The following ECPAS variants were observed in gnomAD, a reference collection of about 807,000 sequenced individuals.
ECPAS encodes the protein proteasome adapter and scaffold protein ECM29.
In ECPAS, 70 loss-of-function variants were observed where a neutral mutation model predicts 255.1. The observed-to-expected ratio is 0.27, with a 90% confidence interval of 0.23 to 0.33. The LOEUF (loss-of-function observed/expected upper bound fraction) is 0.33, where lower values mean the gene tolerates loss of function less well. Ranked by LOEUF, ECPAS falls within the 10% of genes least tolerant of loss-of-function variation. ECPAS has a pLI of 1.00. For synonymous variants in ECPAS, 784 were observed against 775.0 expected, an observed-to-expected ratio of 1.01 and a Z score of -0.19; for missense variants, 1,817 against 2,206.4, an observed-to-expected ratio of 0.82 and a Z score of 3.54.
intron 37 of ECPAS, among the ~76,000 whole-genome samples, 173 bp from the exon 38 acceptor site, chr9:111,375,375 CAG>C (rs1461538541): frequency 2.6e-5 from 4 of 152,144 alleles, no homozygotes; most frequent in African/African-American, 7.2e-5. Flanking sequence ...GTACTACAAA[CAG>C]AAAAATTATT....
Position 111,428,087 on chromosome 9 carries a change from G to A in ECPAS, c.1005C>T (p.Leu335=). 1 of 1,613,566 alleles carries A rather than the reference G, an allele frequency of 6.2e-7. No homozygotes were observed. Among genetic ancestry groups the A allele is most frequent in the Non-Finnish European group, 8.5e-7 (1 of 1,179,698 alleles). ...TRVKLKIVPH[L]LRSRQAAETF... is the part of the protein sequence containing the mutation. ...TTTCAGCAGCTTGTCTAGAGCGGAG[G>A]AGATGGGGGACAATCTTTAACTTGA... The change falls in exon 10 of 50, where the codon CTC becomes CTT. Residue 335 remains leucine, a synonymous_variant. Transcript: ENST00000684092.
chr9:111,408,729 G>T, intron 23 of ECPAS, 57 bp from the exon 24 acceptor site: 1 of 1,030,892 alleles, frequency 9.7e-7, no homozygotes, highest in Non-Finnish European at 1.4e-6. Context: ...CTTTACCCCA[G>T]TGCAGTATTT....
chr9:111,397,877 T>C (rs773479199), intron 24 of ECPAS, among the ~76,000 whole-genome samples: 13 of 152,192 alleles, frequency 8.5e-5, no homozygotes, highest in Non-Finnish European at 1.6e-4. Context: ...CACTGTAAGT[T>C]TGAAAGCATT....
At chr9:111,450,067 A>T (rs546707306) in intron 3 of ECPAS, among the ~76,000 whole-genome samples, 1 of 152,278 alleles carries the variant, frequency 6.6e-6, no homozygotes, top group Non-Finnish European at 1.5e-5. Flanking sequence ...ATGTATCACA[A>T]ATTTCAACTA....
Position 111,484,355 on chromosome 9 carries a change from C to T in ECPAS, c.-322G>A. The T allele has an allele frequency of 2.5e-6, 4 of 1,610,638 alleles. No individual in the cohort carries two copies. Among genetic ancestry groups the T allele is most frequent in the Non-Finnish European group, 3.4e-6 (4 of 1,179,036 alleles). ...TGGCTGGGCCCGACCTGGGGAAACA[C>T]GCCTGTCCAAAGGAAGAGACGTGGA... is the stretch of plus-strand genomic sequence containing the variant. On this transcript the variant is annotated 5_prime_UTR_variant, in exon 1 of 50. The change creates a new upstream start codon in the 5' untranslated region. Coordinates refer to ENST00000684092, the MANE Select transcript of ECPAS (RefSeq NM_001364929.1).
intron 31 of ECPAS, among the ~76,000 whole-genome samples, chr9:111,388,763 T>C (rs986428245): frequency 2.6e-5 from 4 of 152,108 alleles, no homozygotes; most frequent in African/African-American, 9.7e-5. Context: ...ATCAACAGAA[T>C]TTGCTACTAG....
Position 111,391,890 on chromosome 9 carries a change from G to A in ECPAS, c.3093-66C>T, listed in dbSNP as rs76517617. 1,330 of 1,015,400 alleles carry A rather than the reference G, an allele frequency of 1.3e-3. 20 individuals are homozygous for A. In the East Asian group the frequency reaches 0.028, roughly 21 times the overall value. 62.9% of individuals were successfully genotyped at this position (1,015,400 alleles called of 1,614,324 possible). On this transcript the variant is annotated intron_variant, in intron 28 of 49. Coordinates refer to ENST00000684092, the MANE Select transcript of ECPAS (RefSeq NM_001364929.1). ...ATACCAACATTCAACTAGCCAATAC[G>A]ATTCATTTACAAAGTGATAAAACTT...
chr9:111,442,278 G>A (rs1475997050), intron 5 of ECPAS, 28 bp downstream of exon 5: 1 of 1,437,958 alleles, frequency 7.0e-7, no homozygotes, highest in East Asian at 2.3e-5. Flanking sequence ...CCTGTAGGAG[G>A]GAAATTAGTT....
chr9:111,439,516 G>C (rs558229598), intron 6 of ECPAS, among the ~76,000 whole-genome samples: 1 of 151,956 alleles, frequency 6.6e-6, no homozygotes, highest in East Asian at 1.9e-4. Context: ...GGATCTGTTC[G>C]GCCCCCCCTT....
intron 18 of ECPAS, 114 bp from the exon 19 acceptor site, chr9:111,414,765 C>T (rs1397351162): frequency 2.2e-6 from 2 of 912,776 alleles, no homozygotes; most frequent in East Asian, 5.4e-5. Flanking sequence ...CTTTATAAAG[C>T]TATTCCAATC....
chr9:111,377,495 C>G (rs1008665408), intron 36 of ECPAS, among the ~76,000 whole-genome samples: 6 of 152,146 alleles, frequency 3.9e-5, no homozygotes, highest in East Asian at 1.9e-4. Context: ...AAAAAGAACA[C>G]TTAAAACCTT....
intron 24 of ECPAS, among the ~76,000 whole-genome samples, chr9:111,400,257 C>CA (rs2098173753): frequency 6.6e-6 from 1 of 152,214 alleles, no homozygotes; most frequent in Non-Finnish European, 1.5e-5. Context: ...ACTCAACACT[C>CA]AGTCATATTT....
In ECPAS at chr9:111,366,324, T is replaced by C. The variant is rs1432223643; in HGVS notation, c.5223A>G (p.Leu1741=). ...LQSMNAFFQG[L]MLLEEEHADP... ...CGGCATGTTCTTCTTCCAAAAGCAT[T>C]AACCTATACAAATCAGAAAGCAAGG... The change falls in exon 48 of 50, where the codon TTA becomes TTG. Residue 1741 remains leucine, a synonymous_variant. Transcript: ENST00000684092. 3 of 1,568,002 alleles carry C rather than the reference T, an allele frequency of 1.9e-6. No homozygotes were observed. Among genetic ancestry groups the C allele is most frequent in the South Asian group, 1.2e-5 (1 of 85,110 alleles).
intron 16 of ECPAS, among the ~76,000 whole-genome samples, chr9:111,418,734 T>C (rs1315647560): frequency 6.6e-6 from 1 of 152,180 alleles, no homozygotes; most frequent in East Asian, 1.9e-4. Flanking sequence ...TTTCAGCACT[T>C]ACAGAGTAAG....
At chr9:111,440,340 A>G in intron 6 of ECPAS, 32 bp downstream of exon 6, 1 of 1,569,938 alleles carries the variant, frequency 6.4e-7, no homozygotes, top group African/African-American at 1.4e-5. Context: ...AAAAGCAGTC[A>G]AGAACAAGGT....
chr9:111,419,103 G>C (rs182364568), intron 16 of ECPAS, among the ~76,000 whole-genome samples: 105 of 152,242 alleles, frequency 6.9e-4, no homozygotes, highest in African/African-American at 2.5e-3. Context: ...TGGCCAACTA[G>C]AACACTGAAA....
intron 6 of ECPAS, among the ~76,000 whole-genome samples, chr9:111,439,625 A>C (rs1564546859): frequency 6.6e-6 from 1 of 152,104 alleles, no homozygotes; most frequent in Admixed American, 6.6e-5. Flanking sequence ...TTTTTTGAAG[A>C]AGCATTCTAG....
At chr9:111,386,985 G>A (rs1057456172) in intron 31 of ECPAS, among the ~76,000 whole-genome samples, 2 of 152,238 alleles carry the variant, frequency 1.3e-5, no homozygotes, top group Non-Finnish European at 2.9e-5. Flanking sequence ...TCACTATACT[G>A]CAGACCCTCA....
At chr9:111,412,575 AT>A (rs1480675978) in intron 20 of ECPAS, among the ~76,000 whole-genome samples, 1 of 151,658 alleles carries the variant, frequency 6.6e-6, no homozygotes. Context: ...TCGTTTCTTG[AT>A]TTTTTTTTCC....
Sources: allele counts gnomAD v4.1 joint callset (sites outside exome capture counted in the v4.1 genomes callset), GRCh38; gene constraint gnomAD v4.1.1; transcripts MANE v1.5; gene names NCBI Gene and HGNC (gene_info 2026-07-23, HGNC 2026-07-21).